The following CCDC88C variants were observed in gnomAD, a reference collection of about 807,000 sequenced individuals.
CCDC88C encodes coiled-coil and HOOK domain protein 88C.
Under a neutral mutation model 198.8 loss-of-function variants are expected in CCDC88C, and 131 were observed. The ratio of observed to expected loss-of-function variants is 0.66; its 90% CI spans 0.57 to 0.76. The LOEUF (loss-of-function observed/expected upper bound fraction) is 0.76, where lower values mean the gene tolerates loss of function less well. Ranked by LOEUF, CCDC88C falls within the 30% of genes least tolerant of loss-of-function variation. The probability of loss-of-function intolerance (pLI) is 0.00; values close to 1 mark genes in which losing one functional copy is unlikely to be tolerated. For missense variants in CCDC88C, 2,553 were observed against 2,631.6 expected, an observed-to-expected ratio of 0.97 and a Z score of 0.65; for synonymous variants, 1,166 against 1,114.7, an observed-to-expected ratio of 1.05 and a Z score of -0.92.
chr14:91,331,124 C>T (rs967067740), intron 10 of CCDC88C, among the ~76,000 whole-genome samples: 7 of 125,862 alleles, frequency 5.6e-5, no homozygotes, highest in Admixed American at 2.6e-4. Context: ...GTGGGGGGAG[C>T]GGTGCAGGCA....
chr14:91,320,611 G>A (rs1006778486), intron 13 of CCDC88C, among the ~76,000 whole-genome samples: 4 of 152,360 alleles, frequency 2.6e-5, no homozygotes, highest in African/African-American at 9.6e-5. Context: ...ATTGGCACCT[G>A]AAGTGGGAGG....
chr14:91,273,495 G>T lies in CCDC88C; in HGVS notation c.5217C>A (p.Thr1739=), dbSNP rs755390490. Reference sequence around the variant, plus strand: ...CGGGCTTCAGCGGCCTCCCCTCCGAGGTGGGGGCGGCCATTTTGACGGTGG... The same window carrying T: ...CGGGCTTCAGCGGCCTCCCCTCCGATGTGGGGGCGGCCATTTTGACGGTGG... The part of the protein sequence containing the change: ...VAPTVKMAAP[T]SEGRPLKPGQ... The change falls in exon 30 of 30, where the codon ACC becomes ACA. Residue 1739 remains threonine, a synonymous_variant. Coordinates refer to ENST00000389857, the MANE Select transcript of CCDC88C (RefSeq NM_001080414.4). This position sits in a 1 kb window ranked among gnomAD's most constrained non-coding sequence, Gnocchi z 5.6. 3.9e-6 allele frequency: 6 copies of T among 1,550,146 alleles called. No individual in the cohort carries two copies. Among genetic ancestry groups the T allele is most frequent in the Non-Finnish European group, 5.2e-6 (6 of 1,146,908 alleles).
intron 25 of CCDC88C, 69 bp downstream of exon 25, chr14:91,289,036 G>T: frequency 7.7e-7 from 1 of 1,305,816 alleles, no homozygotes; most frequent in Non-Finnish European, 1.1e-6. Context: ...CGTGTGCACA[G>T]CCACCGGTGC....
rs773592206 is a variant in CCDC88C, at chr14:91,297,309, C to T, written c.3962G>A (p.Cys1321Tyr). The stretch of plus-strand genomic sequence containing the variant: ...CTCCCCTGGCGCTGGCCTCACCTCA[C>T]AGTGGTTGTCCAGCTTGGTCAGCGA... ...DISLTKLDNH[C>Y]ELLSRLKGNL... is the part of the protein sequence containing the mutation. Residue 1321 changes from cysteine to tyrosine, a missense_variant, in exon 22 of 30, where the codon TGT (cysteine) becomes TAT (tyrosine). By Grantham distance (194) the Cys-to-Tyr change is radical. Around this residue, in one of 2 missense-constraint regions of CCDC88C, gnomAD observed 1,293 missense variants for 1,219.6 expected, o/e 1.06. Transcript: ENST00000389857. 6.2e-7 allele frequency: 1 copy of T among 1,613,004 alleles called. No individual in the cohort carries two copies. The highest frequency in any genetic ancestry group is 1.7e-5 in the Admixed American group (1 of 59,904).
intron 22 of CCDC88C, 56 bp downstream of exon 22, chr14:91,297,249 T>C: frequency 6.4e-7 from 1 of 1,556,700 alleles, no homozygotes; most frequent in Admixed American, 1.8e-5. Flanking sequence ...AGCCCTGGGC[T>C]GTCCCCTTGG....
In CCDC88C at chr14:91,272,372, G is replaced by A. The variant is rs921453736; in HGVS notation, c.*253C>T. On this transcript the variant is annotated 3_prime_UTR_variant, in exon 30 of 30. Transcript: ENST00000389857. ...CATCCTAATTGGTCCCCATGCTGAC[G>A]TGGATTATTTGTTCCAAAGATATCA... 22 of 517,414 alleles carry A rather than the reference G, an allele frequency of 4.3e-5. No individual in the cohort carries two copies. Among genetic ancestry groups the A allele is most frequent in the Non-Finnish European group, 6.8e-5 (20 of 292,828 alleles). 32.1% of individuals were successfully genotyped at this position (517,414 alleles called of 1,614,324 possible). A position where few individuals can be genotyped will look rare whatever the true frequency, so the allele number is the denominator to read the frequency against.
intron 15 of CCDC88C, among the ~76,000 whole-genome samples, chr14:91,312,790 A>G (rs1331506965): frequency 6.6e-6 from 1 of 151,874 alleles, no homozygotes. Flanking sequence ...AATTAATAAA[A>G]ACCACAACAG....
At chr14:91,369,143 C>A (rs1320110073) in intron 3 of CCDC88C, among the ~76,000 whole-genome samples, 1 of 152,224 alleles carries the variant, frequency 6.6e-6, no homozygotes, top group Non-Finnish European at 1.5e-5. Context: ...ATCTTCATCA[C>A]CTCATGCCCA....
rs1048271835 is a variant in CCDC88C, at chr14:91,284,610, G to C, written c.4442-1093C>G. 5.3e-5 allele frequency among the ~76,000 whole-genome samples: 8 copies of C among 152,212 alleles called. No homozygotes were observed. Among genetic ancestry groups the C allele is most frequent in the Non-Finnish European group, 8.8e-5 (6 of 68,040 alleles). On this transcript the variant is annotated intron_variant, in intron 25 of 29. Transcript: ENST00000389857. This position sits in a 1 kb window ranked among gnomAD's most constrained non-coding sequence, Gnocchi z 4.1. ...ACAGCATGCGCGGAAGGCAGGTCTG[G>C]AGGACCCGGCACCACGGCAGCCCAG...
intron 13 of CCDC88C, 96 bp from the exon 14 acceptor site, chr14:91,315,883 T>C (rs1234204899): frequency 7.6e-6 from 10 of 1,313,436 alleles, no homozygotes; most frequent in Non-Finnish European, 1.1e-5. Context: ...CAGAATGCAC[T>C]GATGGGTCTT....
chr14:91,334,811 G>T (rs1165379625), intron 10 of CCDC88C, among the ~76,000 whole-genome samples: 1 of 152,170 alleles, frequency 6.6e-6, no homozygotes, highest in Non-Finnish European at 1.5e-5. Flanking sequence ...GCCACCGGGG[G>T]CAAGGGTTCA....
chr14:91,274,812 T>A (rs1889884981), intron 29 of CCDC88C, among the ~76,000 whole-genome samples: 1 of 152,198 alleles, frequency 6.6e-6, no homozygotes, highest in South Asian at 2.1e-4. Context: ...AAAGGCTGTA[T>A]CAAGGTAAAG....
At position 91,283,482 on chromosome 14, in the gene CCDC88C, G is replaced by T. The variant is rs369301673; in HGVS notation, c.4477C>A (p.His1493Asn). The change falls in exon 26 of 30, where the codon CAC becomes AAC. Residue 1493 changes from histidine to asparagine, a missense_variant. His to Asn is a moderately conservative substitution (Grantham distance 68). Transcript: ENST00000389857. Reference protein sequence around the residue: ...GDLKPKRGSPHRGSLDRTDAS... With the variant: ...GDLKPKRGSPNRGSLDRTDAS... ...TCTGTGCGGTCAAGGCTGCCTCTGT[G>T]TGGGGAGCCTCGCTTTGGTTTTAGA... 2.5e-6 allele frequency: 4 copies of T among 1,612,696 alleles called. No homozygotes were observed. Among genetic ancestry groups the T allele is most frequent in the Non-Finnish European group, 3.4e-6 (4 of 1,179,480 alleles).
intron 12 of CCDC88C, among the ~76,000 whole-genome samples, chr14:91,324,283 G>T (rs557193500): frequency 5.9e-5 from 9 of 152,346 alleles, no homozygotes; most frequent in Middle Eastern, 6.8e-3. Flanking sequence ...GAGGCGCTAA[G>T]AACCTGGGTC....
chr14:91,382,275 CTCTGGGCAGCCACAACCAA>C (rs2083438534), intron 3 of CCDC88C, among the ~76,000 whole-genome samples: 1 of 152,146 alleles, frequency 6.6e-6, no homozygotes, highest in South Asian at 2.1e-4. Flanking sequence ...CAACACAGCC[CTCTGGGCAGCCACAACCAA>C]TCAACTCAAG....
intron 24 of CCDC88C, among the ~76,000 whole-genome samples, chr14:91,290,136 G>C (rs557800111): frequency 6.6e-6 from 1 of 152,324 alleles, no homozygotes; most frequent in African/African-American, 2.4e-5. Flanking sequence ...GCTGGGCGTG[G>C]TGGCACATGC....
chr14:91,415,360 C>T (rs55908633), intron 2 of CCDC88C, among the ~76,000 whole-genome samples: 62,399 of 150,486 alleles, frequency 0.41, 13,252 homozygotes, highest in South Asian at 0.43. Context: ...TTTCCTACAC[C>T]CACAGCTGTG....
At chr14:91,408,934 G>A (rs540127516) in intron 2 of CCDC88C, among the ~76,000 whole-genome samples, 167 bp from the exon 3 acceptor site, 69 of 152,224 alleles carry the variant, frequency 4.5e-4, no homozygotes, top group Admixed American at 2.5e-3. Flanking sequence ...GCTAAGCCAG[G>A]ACCTCAGGTG....
rs1970912 is a variant in CCDC88C, at chr14:91,307,224, T to G, written c.3009A>C (p.Leu1003=). The G allele has an allele frequency of 6.2e-7, 1 of 1,612,724 alleles. No homozygotes were observed. The highest frequency in any genetic ancestry group is 8.5e-7 in the Non-Finnish European group (1 of 1,179,734). ...NRQLESELQM[L]KKECETLRQN... is the part of the protein sequence containing the mutation. Reference sequence around the variant, plus strand: ...GCCTGAGGGTCTCACACTCCTTCTTTAGCTACAGGTGTGACAATAAGCAAG... The same window carrying G: ...GCCTGAGGGTCTCACACTCCTTCTTGAGCTACAGGTGTGACAATAAGCAAG... Residue 1003 remains leucine (L), a splice_region_variant and synonymous_variant, in exon 18 of 30, where the codon CTA becomes CTC. Transcript: ENST00000389857.
Sources: gnomAD v4.1 joint callset for allele counts (sites outside exome capture counted in the v4.1 genomes callset) on GRCh38, gnomAD v4.1.1 for gene constraint, gnomAD v4.1.1 regional missense constraint, Gnocchi (gnomAD v3.1) non-coding constraint, MANE v1.5 for transcripts, NCBI Gene and HGNC (gene_info 2026-07-23, HGNC 2026-07-21) for gene names.